Variants in IL1RAPL1 observed in about 807,000 individuals in gnomAD.
IL1RAPL1 encodes the protein interleukin-1 receptor accessory protein-like 1.
In IL1RAPL1, 3 loss-of-function variants were observed where a neutral mutation model predicts 48.4. The observed-to-expected ratio is 0.06, with a 90% CI of 0.03 to 0.16. The LOEUF (loss-of-function observed/expected upper bound fraction) is 0.16, where lower values mean the gene tolerates loss of function less well. IL1RAPL1 is among the 10% of genes least tolerant of loss of function. The probability of loss-of-function intolerance (pLI) is 1.00; values close to 1 mark genes in which losing one functional copy is unlikely to be tolerated. For missense variants in IL1RAPL1, 349 were observed against 530.6 expected (o/e 0.66, Z 3.36); for synonymous variants, 185 against 187.7 (o/e 0.99, Z 0.12).
In IL1RAPL1 at chrX:29,201,766, G is replaced by A. The variant is rs1013372240; in HGVS notation, c.83-81172G>A. 4.6e-5 allele frequency among the ~76,000 whole-genome samples: 5 copies of A among 108,679 alleles called. No individual in the cohort carries two copies. The South Asian group carries it at 1.6e-3, about 34-fold the overall frequency. The allele number at this position is 108,679 out of a possible 115,157, so 94.4% of individuals were successfully genotyped here. On this transcript the variant is annotated intron_variant, in intron 2 of 10. Coordinates refer to ENST00000378993, the MANE Select transcript of IL1RAPL1 (RefSeq NM_014271.4). ...GAGTGCAATGGCACGCTCTCGGCTC[G>A]CGGCAACCTCCGCCTCGCAGGTTCA...
intron 5 of IL1RAPL1, among the ~76,000 whole-genome samples, chrX:29,555,999 A>G (rs1047704874): frequency 2.7e-5 from 3 of 111,559 alleles, no homozygotes; most frequent in African/African-American, 6.5e-5. Flanking sequence ...CTCTGTATTC[A>G]TTTGCATAAT....
intron 2 of IL1RAPL1, among the ~76,000 whole-genome samples, chrX:29,083,946 C>T (rs1403947071): frequency 9.0e-6 from 1 of 111,208 alleles, no homozygotes; most frequent in East Asian, 2.9e-4. Context: ...AGAGACCAGA[C>T]AGGTCTGGTT....
At chrX:29,202,062 A>C (rs1001734050) in intron 2 of IL1RAPL1, among the ~76,000 whole-genome samples, 2 of 112,618 alleles carry the variant, frequency 1.8e-5, no homozygotes, top group Non-Finnish European at 3.7e-5. Context: ...CTGTAAAAGA[A>C]AAGTTTTGCA....
At chrX:29,008,609 G>T (rs1926047501) in intron 2 of IL1RAPL1, among the ~76,000 whole-genome samples, 1 of 112,019 alleles carries the variant, frequency 8.9e-6, no homozygotes, top group South Asian at 3.7e-4. Flanking sequence ...TCAATTAAAA[G>T]TACAGTTTTT....
Position 29,954,510 on chromosome X carries a change from A to AT in IL1RAPL1, c.1202-6dup, listed in dbSNP as rs768543846. On this transcript the variant is annotated splice_polypyrimidine_tract_variant and intron_variant, in intron 9 of 10. Coordinates refer to ENST00000378993, the MANE Select transcript of IL1RAPL1 (RefSeq NM_014271.4). ...GTAGTGACTTCGACTTTTCTTTGGA[A>AT]TTTTTTGACAGACAATAAAGATTAT... 6.3e-4 allele frequency: 758 copies of AT among 1,201,624 alleles called. No homozygotes were observed. Among genetic ancestry groups the AT allele is most frequent in the Non-Finnish European group, 7.9e-4 (698 of 887,982 alleles).
At chrX:28,796,567 A>G (rs986393651) in intron 2 of IL1RAPL1, among the ~76,000 whole-genome samples, 8 of 112,083 alleles carry the variant, frequency 7.1e-5, no homozygotes, top group African/African-American at 2.6e-4. Context: ...TTAAAGCTTC[A>G]AAATGATCTC....
chrX:29,803,175 A>G (rs1179731600), intron 6 of IL1RAPL1, among the ~76,000 whole-genome samples: 3 of 57,124 alleles, frequency 5.3e-5, no homozygotes, highest in Non-Finnish European at 9.6e-5. Flanking sequence ...ACATATGCAT[A>G]CATATATGTA....
intron 6 of IL1RAPL1, among the ~76,000 whole-genome samples, chrX:29,855,867 G>GTGGT (rs1931467950): frequency 9.0e-6 from 1 of 111,180 alleles, no homozygotes; most frequent in African/African-American, 3.3e-5. Flanking sequence ...TGCTCAGAAA[G>GTGGT]TGGTAGCTAC....
rs865917918 is a variant in IL1RAPL1, at chrX:29,283,132, G to A, written c.277G>A (p.Gly93Arg). The A allele has an allele frequency of 2.5e-6, 3 of 1,209,543 alleles. No individual in the cohort carries two copies. The highest frequency in any genetic ancestry group is 1.8e-5 in the African/African-American group (1 of 57,118). The change falls in exon 3 of 11, where the codon GGA (glycine) becomes AGA (arginine). Residue 93 changes from glycine to arginine, a missense_variant. Gly to Arg is a moderately radical substitution (Grantham distance 125, BLOSUM62 -2). Around this residue, in one of 3 missense-constraint regions of IL1RAPL1, gnomAD observed 238 missense variants for 337.8 expected, o/e 0.70. Transcript: ENST00000378993. ...CTTTGAAGAGCCAATAGCCTTTGAC[G>A]GAAGTAGAATGAGCAAAGAAGAAGA... is the stretch of plus-strand genomic sequence containing the variant. ...GDFEEPIAFD[G>R]SRMSKEEDSI...
intron 6 of IL1RAPL1, among the ~76,000 whole-genome samples, chrX:29,799,620 A>G (rs1001628287): frequency 8.0e-5 from 9 of 112,269 alleles, no homozygotes; most frequent in Middle Eastern, 4.7e-3. Flanking sequence ...AAAGTCAAGA[A>G]TATTACAATT....
chrX:28,785,004 A>G (rs1176520488), intron 1 of IL1RAPL1, among the ~76,000 whole-genome samples: 1 of 111,861 alleles, frequency 8.9e-6, no homozygotes, highest in Admixed American at 9.5e-5. Context: ...TTGTTTTTGA[A>G]AAACATTCAA....
chrX:29,498,712 C>T (rs1935241149), intron 5 of IL1RAPL1, among the ~76,000 whole-genome samples: 1 of 111,248 alleles, frequency 9.0e-6, no homozygotes, highest in Admixed American at 9.6e-5. Flanking sequence ...ATTATTTGTA[C>T]TGATTAACAC....
At chrX:28,615,738 GTCT>G in intron 1 of IL1RAPL1, among the ~76,000 whole-genome samples, 1 of 110,574 alleles carries the variant, frequency 9.0e-6, no homozygotes, top group East Asian at 2.9e-4. Flanking sequence ...GGTACCAGAC[GTCT>G]TCTACATTTG....
intron 2 of IL1RAPL1, among the ~76,000 whole-genome samples, chrX:28,981,382 G>A (rs892608423): frequency 1.6e-4 from 18 of 110,229 alleles, no homozygotes; most frequent in African/African-American, 5.9e-4. Context: ...TCTTTTCACA[G>A]AGAAGGAAAT....
Position 29,279,435 on chromosome X carries a change from C to CA in IL1RAPL1, c.83-3489dup, listed in dbSNP as rs369340241. On this transcript the variant is annotated intron_variant, in intron 2 of 10. Transcript: ENST00000378993. Reference sequence around the variant, plus strand: ...TGGGCGACAGAGCAAGACTCCATCTCAAAAAAAAAAAAAAGATTTTATTCA... The same window carrying CA: ...TGGGCGACAGAGCAAGACTCCATCTCAAAAAAAAAAAAAAAGATTTTATTCA... 6.6e-3 allele frequency among the ~76,000 whole-genome samples: 548 copies of CA among 83,277 alleles called. 20 individuals carry two copies. The East Asian group carries it at 0.11, about 16-fold the overall frequency. The allele number at this position is 83,277 out of a possible 115,157, so 72.3% of individuals were successfully genotyped here. A position where few individuals can be genotyped will look rare whatever the true frequency, so the allele number is the denominator to read the frequency against.
intron 6 of IL1RAPL1, among the ~76,000 whole-genome samples, chrX:29,681,233 G>A (rs1165851869): frequency 8.9e-6 from 1 of 112,439 alleles, no homozygotes; most frequent in Non-Finnish European, 1.9e-5. Context: ...TTTATACTAC[G>A]AAATACTGCT....
chrX:28,707,391 T>C (rs755175054), intron 1 of IL1RAPL1, among the ~76,000 whole-genome samples: 1 of 112,301 alleles, frequency 8.9e-6, no homozygotes, highest in Non-Finnish European at 1.9e-5. Context: ...GATTAAGCTC[T>C]AATTGCTCAT....
At chrX:29,019,296 G>A (rs1410273894) in intron 2 of IL1RAPL1, among the ~76,000 whole-genome samples, 1 of 111,585 alleles carries the variant, frequency 9.0e-6, no homozygotes, top group Admixed American at 9.5e-5. Flanking sequence ...ATTAGATAGT[G>A]GTGAGGGTTG....
intron 6 of IL1RAPL1, among the ~76,000 whole-genome samples, chrX:29,734,610 C>T (rs1928002052): frequency 8.9e-6 from 1 of 112,160 alleles, no homozygotes; most frequent in Non-Finnish European, 1.9e-5. Context: ...CCATTCTTTC[C>T]AAAGATGCAG....
Sources: allele counts gnomAD v4.1 joint callset (sites outside exome capture counted in the v4.1 genomes callset), GRCh38; gene constraint gnomAD v4.1.1; regional missense constraint gnomAD v4.1.1; transcripts MANE v1.5; gene names NCBI Gene and HGNC (gene_info 2026-07-23, HGNC 2026-07-21).